The following SLC12A7 variants were observed in gnomAD, a reference collection of about 807,000 sequenced individuals.
The protein encoded by SLC12A7 is solute carrier family 12 member 7.
In SLC12A7, 100 loss-of-function variants were observed where a neutral mutation model predicts 120.6. That is an observed-to-expected ratio of 0.83 (90% CI 0.71 to 0.98). The LOEUF (loss-of-function observed/expected upper bound fraction) is 0.98. SLC12A7 is among the 50% of genes least tolerant of loss of function. SLC12A7 has a pLI of 0.00. For missense variants in SLC12A7, 1,373 were observed against 1,548.1 expected (o/e 0.89, Z 1.90); for synonymous variants, 760 against 678.0 (o/e 1.12, Z -1.88).
intron 17 of SLC12A7, 24 bp downstream of exon 17, chr5:1,073,609 G>A (rs189882386): frequency 4.4e-6 from 7 of 1,583,628 alleles, no homozygotes; most frequent in Non-Finnish European, 6.0e-6. Flanking sequence ...AAGAGGCCTG[G>A]CCCCCAGACC....
At chr5:1,086,827 G>T (rs1247539607) in intron 6 of SLC12A7, 76 bp downstream of exon 6, 11 of 1,565,732 alleles carry the variant, frequency 7.0e-6, no homozygotes, top group Non-Finnish European at 9.6e-6. Flanking sequence ...GTGTGCCACA[G>T]AGTGGGTCAG....
intron 22 of SLC12A7, among the ~76,000 whole-genome samples, chr5:1,055,973 A>C (rs1735565452): frequency 1.3e-5 from 2 of 152,218 alleles, no homozygotes; most frequent in Admixed American, 1.3e-4. Context: ...CTGCCTGCCC[A>C]CAAGGAAAAC....
In SLC12A7 at chr5:1,053,355, C is replaced by G; in HGVS notation, c.3154G>C (p.Glu1052Gln). ...PGPPKNRQGD[E>Q]NYMEFLEVLT... ...ACACTGCAAGAAAGGATACAGTTCTCGTCTCCCTGCCGGTTTTTGGGAGGA... is the reference window on the plus strand; with the variant it reads ...ACACTGCAAGAAAGGATACAGTTCTGGTCTCCCTGCCGGTTTTTGGGAGGA... Residue 1052 changes from glutamate (E) to glutamine (Q), a missense_variant, in exon 23 of 24, where the codon GAG becomes CAG. Transcript: ENST00000264930. The G allele has an allele frequency of 6.2e-7, 1 of 1,613,798 alleles. No individual in the cohort carries two copies. The highest frequency in any genetic ancestry group is 8.5e-7 in the Non-Finnish European group (1 of 1,179,934).
At chr5:1,139,233 G>A in the SLC12A7 span, among the ~76,000 whole-genome samples, 4 of 152,252 alleles carry the variant, frequency 2.6e-5, no homozygotes, top group African/African-American at 7.2e-5. Context: ...TGGCCTCCAC[G>A]GCAGCCGGCT....
At chr5:1,154,118 G>A in the SLC12A7 span, among the ~76,000 whole-genome samples, 2 of 149,684 alleles carry the variant, frequency 1.3e-5, no homozygotes, top group Non-Finnish European at 3.0e-5. Context: ...TGTTCCTGAC[G>A]CTAACCCTAA....
upstream of SLC12A7, among the ~76,000 whole-genome samples, chr5:1,114,164 G>C (rs1743222839): frequency 6.6e-6 from 1 of 152,222 alleles, no homozygotes; most frequent in Non-Finnish European, 1.5e-5. Flanking sequence ...AGCTCCGAGG[G>C]TGGTCTTCTC....
chr5:1,067,173 C>T (rs1737143051), intron 17 of SLC12A7, among the ~76,000 whole-genome samples: 2 of 152,314 alleles, frequency 1.3e-5, no homozygotes, highest in African/African-American at 2.4e-5. Flanking sequence ...GGGCGCAAGA[C>T]GGGACAGGGT....
Position 1,053,461 on chromosome 5 carries a change from C to A in SLC12A7, c.3048G>T (p.Arg1016=). The change falls in exon 23 of 24, where the codon CGG becomes CGT. Residue 1016 remains arginine (R), a synonymous_variant. Coordinates refer to ENST00000264930, the MANE Select transcript of SLC12A7 (RefSeq NM_006598.3). ...SMKPDQSNVR[R]MHTAVKLNGV... is the part of the protein sequence containing the mutation. ...CATTGAGCTTCACAGCCGTGTGCATCCGCCTGACGTTGGACTGGTCCCTGC... is the reference window on the plus strand; with the variant it reads ...CATTGAGCTTCACAGCCGTGTGCATACGCCTGACGTTGGACTGGTCCCTGC... 1.2e-6 allele frequency: 2 copies of A among 1,613,774 alleles called. No individual in the cohort carries two copies. The highest frequency in any genetic ancestry group is 4.5e-5 in the East Asian group (2 of 44,890).
At chr5:1,084,396 C>T (rs1034004286) in intron 7 of SLC12A7, among the ~76,000 whole-genome samples, 1 of 152,248 alleles carries the variant, frequency 6.6e-6, no homozygotes, top group Admixed American at 6.5e-5. Context: ...GCCGCTCCCT[C>T]CCCGAGGCCC....
Position 1,065,264 on chromosome 5 carries a change from G to T in SLC12A7, c.2437+19C>A. The T allele has an allele frequency of 6.5e-7, 1 of 1,536,686 alleles. No individual in the cohort carries two copies. Among genetic ancestry groups the T allele is most frequent in the Non-Finnish European group, 8.8e-7 (1 of 1,136,052 alleles). On this transcript the variant is annotated intron_variant, in intron 18 of 23. Coordinates refer to ENST00000264930, the MANE Select transcript of SLC12A7 (RefSeq NM_006598.3). ...AGGGGACGGTGAGGGGATGCCGAAG[G>T]GCCGCCAGCCATGCCTACCCACAAA...
At chr5:1,135,915 C>T in the SLC12A7 span, among the ~76,000 whole-genome samples, 1 of 152,234 alleles carries the variant, frequency 6.6e-6, no homozygotes, top group Admixed American at 6.5e-5. Flanking sequence ...TTTCCCTCAA[C>T]CTCCCTGCTC....
chr5:1,125,654 G>A, the SLC12A7 span, among the ~76,000 whole-genome samples: 3 of 152,318 alleles, frequency 2.0e-5, no homozygotes, highest in South Asian at 6.2e-4. Flanking sequence ...GCCGGGCACA[G>A]TGGCTCATGC....
the SLC12A7 span, among the ~76,000 whole-genome samples, chr5:1,131,965 G>A: frequency 0.18 from 27,243 of 152,196 alleles, 2,690 homozygotes; most frequent in Middle Eastern, 0.23. Context: ...CAGGGGCTGG[G>A]TCTGATGAGG....
At chr5:1,063,998 T>C in intron 19 of SLC12A7, 23 bp from the exon 20 acceptor site, 1 of 1,610,416 alleles carries the variant, frequency 6.2e-7, no homozygotes, top group Middle Eastern at 1.7e-4. Flanking sequence ...AGGGCATGGC[T>C]GTGGGGCCTC....
At chr5:1,079,315 G>A (rs1738731504) in intron 10 of SLC12A7, 83 bp downstream of exon 10, 1 of 1,060,690 alleles carries the variant, frequency 9.4e-7, no homozygotes, top group Non-Finnish European at 1.5e-6. Context: ...GGTGGCCGAG[G>A]GTATGATGCT....
At chr5:1,095,252 T>A (rs1741009676) in intron 1 of SLC12A7, among the ~76,000 whole-genome samples, 1 of 152,148 alleles carries the variant, frequency 6.6e-6, no homozygotes, top group African/African-American at 2.4e-5. Flanking sequence ...TCTGAGAAGT[T>A]TCTGTGTTCA....
At chr5:1,126,598 A>T in the SLC12A7 span, among the ~76,000 whole-genome samples, 1 of 152,178 alleles carries the variant, frequency 6.6e-6, no homozygotes, top group Non-Finnish European at 1.5e-5. Flanking sequence ...TATTAAACCT[A>T]GTACCCATTA....
chr5:1,117,808 A>G, the SLC12A7 span, among the ~76,000 whole-genome samples: 1 of 152,208 alleles, frequency 6.6e-6, no homozygotes, highest in African/African-American at 2.4e-5. The surrounding 1 kb of genome is among the most constrained non-coding windows in gnomAD (Gnocchi z 4.5). Context: ...GCGGTAGCTC[A>G]CGCCTGTAGT....
At chr5:1,112,332 G>GCCC (rs1349328988), upstream of SLC12A7, among the ~76,000 whole-genome samples, 3 of 6,864 alleles carry the variant, frequency 4.4e-4, no homozygotes, top group African/African-American at 2.8e-3. Flanking sequence ...GGAACTCCCC[G>GCCC]CCCTCCCCGC....
Sources: allele counts gnomAD v4.1 joint callset (sites outside exome capture counted in the v4.1 genomes callset), GRCh38; gene constraint gnomAD v4.1.1; non-coding constraint Gnocchi (gnomAD v3.1); transcripts MANE v1.5; gene names NCBI Gene and HGNC (gene_info 2026-07-23, HGNC 2026-07-21).